ZNF764: variants seen among roughly 807,000 people sequenced by gnomAD.
ZNF764 encodes zinc finger protein 764.
In ZNF764, 10 loss-of-function variants were observed where a neutral mutation model predicts 13.9. The ratio of observed to expected loss-of-function variants is 0.72; its 90% CI spans 0.44 to 1.22. ZNF764 has a LOEUF of 1.22. Among genes scored for constraint, ZNF764 ranks in the 50% most tolerant of loss-of-function variants. The pLI is 0.00. For missense variants in ZNF764, 647 were observed against 589.7 expected (o/e 1.10, Z -1.01); for synonymous variants, 313 against 255.1 (o/e 1.23, Z -2.16).
At position 30,556,265 on chromosome 16, in the gene ZNF764, G is replaced by T. The variant is rs575647006; in HGVS notation, c.311-158C>A. The stretch of plus-strand genomic sequence containing the variant: ...CTCGGCTGCAGAGCCAGACAGAGCC[G>T]GGAGGGAGAGAACAGCCCATTCCGC... On this transcript the variant is annotated intron_variant, in intron 2 of 2. Coordinates refer to ENST00000395091, the MANE Select transcript of ZNF764 (RefSeq NM_001172679.2). 5.9e-5 allele frequency among the ~76,000 whole-genome samples: 9 copies of T among 152,184 alleles called. 1 individual carries two copies. Among genetic ancestry groups the T allele is most frequent in the Admixed American group, 5.2e-4 (8 of 15,276 alleles).
chr16:30,555,411 TG>T lies in ZNF764; in HGVS notation c.1006del (p.His336ThrfsTer46), dbSNP rs1250873823. On this transcript the variant is annotated frameshift_variant, in exon 3 of 3. Transcript: ENST00000395091. LOFTEE classifies it low-confidence loss of function (END_TRUNC). Reference sequence around the variant, plus strand: ...GCAGGGGTAGGGCTTCTCGCCGCTGTGGGTGCGCCTGTGGGCTGCCATCTCC... The same window carrying T: ...GCAGGGGTAGGGCTTCTCGCCGCTGTGGTGCGCCTGTGGGCTGCCATCTCC... The part of the protein sequence containing the change: ...SSEMAAHRRT[H>X]SGEKPYPCPQ... The T allele has an allele frequency of 6.4e-7, 1 of 1,564,310 alleles. No individual in the cohort carries two copies. Among genetic ancestry groups the T allele is most frequent in the Admixed American group, 1.8e-5 (1 of 54,750 alleles).
Position 30,555,135 on chromosome 16 carries a change from C to CG in ZNF764, c.*58dup. 1.3e-6 allele frequency: 2 copies of CG among 1,529,412 alleles called. No homozygotes were observed. The highest frequency in any genetic ancestry group is 1.8e-6 in the Non-Finnish European group (2 of 1,138,686). The allele number at this position is 1,529,412 out of a possible 1,614,324, so 94.7% of individuals were successfully genotyped here. A position where few individuals can be genotyped will look rare whatever the true frequency, so the allele number is the denominator to read the frequency against. On this transcript the variant is annotated 3_prime_UTR_variant, in exon 3 of 3. Coordinates refer to ENST00000395091, the MANE Select transcript of ZNF764 (RefSeq NM_001172679.2). ...CTCCCTGCAGGCCGCCGCAGAGGTT[C>CG]GGGCCCCTGAGCCCATCTCGGGCCT... is the stretch of plus-strand genomic sequence containing the variant.
rs2051536255 is a variant in ZNF764 at position 30,555,088 on chromosome 16, C to T, written c.*106G>A. 2.9e-6 allele frequency: 4 copies of T among 1,360,046 alleles called. No homozygotes were observed. The highest frequency in any genetic ancestry group is 3.0e-6 in the Non-Finnish European group (3 of 1,002,506). The allele number at this position is 1,360,046 out of a possible 1,614,324, so 84.2% of individuals were successfully genotyped here. A position where few individuals can be genotyped will look rare whatever the true frequency, so the allele number is the denominator to read the frequency against. ...CAGACTGTCCGCACCCCAGGGCCAG[C>T]TCTTGCCCTAGATTCTGGGACCTCC... On this transcript the variant is annotated 3_prime_UTR_variant, in exon 3 of 3. Transcript: ENST00000395091.
At position 30,555,436 on chromosome 16, in the gene ZNF764, C is replaced by T; in HGVS notation, c.982G>A (p.Glu328Lys). The change falls in exon 3 of 3, where the codon GAG (glutamate) becomes AAG (lysine). Residue 328 changes from glutamate to lysine, a missense_variant. Coordinates refer to ENST00000395091, the MANE Select transcript of ZNF764 (RefSeq NM_001172679.2). The stretch of plus-strand genomic sequence containing the variant: ...TGGGTGCGCCTGTGGGCTGCCATCT[C>T]CGAGCTCTGGCGGAAGCAGCGCCCG... ...DCGRCFRQSS[E>K]MAAHRRTHSG... The T allele has an allele frequency of 3.8e-6, 6 of 1,558,474 alleles. No homozygotes were observed. Among genetic ancestry groups the T allele is most frequent in the Non-Finnish European group, 5.2e-6 (6 of 1,147,816 alleles).
chr16:30,556,188 G>T, intron 2 of ZNF764, 81 bp from the exon 3 acceptor site: 1 of 1,533,222 alleles, frequency 6.5e-7, no homozygotes, highest in Non-Finnish European at 8.9e-7. Flanking sequence ...GACAGGGACA[G>T]GCCTGCTGGA....
chr16:30,555,412 G>T lies in ZNF764; in HGVS notation c.1006C>A (p.His336Asn). Residue 336 changes from histidine (H) to asparagine (N), a missense_variant, in exon 3 of 3, where the codon CAC becomes AAC. By Grantham distance (68) the His-to-Asn change is moderately conservative (BLOSUM62 1). Transcript: ENST00000395091. ...SSEMAAHRRT[H>N]SGEKPYPCPQ... Reference sequence around the variant, plus strand: ...CAGGGGTAGGGCTTCTCGCCGCTGTGGGTGCGCCTGTGGGCTGCCATCTCC... The same window carrying T: ...CAGGGGTAGGGCTTCTCGCCGCTGTTGGTGCGCCTGTGGGCTGCCATCTCC... The T allele has an allele frequency of 6.4e-7, 1 of 1,565,132 alleles. No homozygotes were observed.
At chr16:30,557,930 GAGGCGCGGC>G (rs1567510323) in intron 1 of ZNF764, 48 bp downstream of exon 1, 1 of 1,573,100 alleles carries the variant, frequency 6.4e-7, no homozygotes. Context: ...GCAGCTCCCA[GAGGCGCGGC>G]AGGGCCTGTG....
Position 30,557,970 on chromosome 16 carries a change from G to A in ZNF764, c.196+17C>T, listed in dbSNP as rs1477947191. On this transcript the variant is annotated intron_variant, in intron 1 of 2. Coordinates refer to ENST00000395091, the MANE Select transcript of ZNF764 (RefSeq NM_001172679.2). ...CTGTGGGGGCGCAGGGCTCAGGCGAGCAGGTGGGGCTCTCACCGAGAGCGC... is the reference window on the plus strand; with the variant it reads ...CTGTGGGGGCGCAGGGCTCAGGCGAACAGGTGGGGCTCTCACCGAGAGCGC... 6.3e-7 allele frequency: 1 copy of A among 1,589,458 alleles called. No homozygotes were observed. The highest frequency in any genetic ancestry group is 1.1e-5 in the South Asian group (1 of 88,346).
Position 30,555,407 on chromosome 16 carries a change from G to T in ZNF764, c.1011C>A (p.Ser337Arg). Residue 337 changes from serine to arginine, a missense_variant, in exon 3 of 3, where the codon AGC (serine) becomes AGA (arginine). Transcript: ENST00000395091. Reference sequence around the variant, plus strand: ...GCGGGCAGGGGTAGGGCTTCTCGCCGCTGTGGGTGCGCCTGTGGGCTGCCA... The same window carrying T: ...GCGGGCAGGGGTAGGGCTTCTCGCCTCTGTGGGTGCGCCTGTGGGCTGCCA... ...SEMAAHRRTHSGEKPYPCPQC... is the reference protein window; with the variant it reads ...SEMAAHRRTHRGEKPYPCPQC... 6.4e-7 allele frequency: 1 copy of T among 1,564,802 alleles called. No homozygotes were observed. Among genetic ancestry groups the T allele is most frequent in the Non-Finnish European group, 8.7e-7 (1 of 1,151,450 alleles).
Position 30,558,122 on chromosome 16 carries a change from T to G in ZNF764, c.61A>C (p.Arg21=). The change falls in exon 1 of 3, where the codon AGG becomes CGG. Residue 21 remains arginine, a synonymous_variant. Transcript: ENST00000395091. ...GCGAAGCTCACAGCCCCCGGCTCCC[T>G]CCACTCGGGTCCGGCCCCGTTTGGG... ...RDPNGAGPEW[R]EPGAVSFADV... is the part of the protein sequence containing the mutation. 6.2e-7 allele frequency: 1 copy of G among 1,607,018 alleles called. No individual in the cohort carries two copies. Among genetic ancestry groups the G allele is most frequent in the African/African-American group, 1.3e-5 (1 of 74,968 alleles).
Position 30,555,281 on chromosome 16 carries a change from C to G in ZNF764, c.1137G>C (p.Leu379=). The G allele has an allele frequency of 5.0e-6, 8 of 1,612,610 alleles. No individual in the cohort carries two copies. The highest frequency in any genetic ancestry group is 6.8e-6 in the Non-Finnish European group (8 of 1,179,536). ...CGTGGCCAGGGGTCAGGGTCACAGA[C>G]AGACGCCCGGCGACCCGGCCCCTGT... The part of the protein sequence containing the change: ...GGHRGRVAGR[L]SVTLTPGHGD... The change falls in exon 3 of 3, where the codon CTG becomes CTC. Residue 379 remains leucine (L), a synonymous_variant. Coordinates refer to ENST00000395091, the MANE Select transcript of ZNF764 (RefSeq NM_001172679.2).
In ZNF764 at chr16:30,558,003, G is replaced by A. The variant is rs1468091089; in HGVS notation, c.180C>T (p.Gly60=). ...LYRDVMRETY[G]HLSALGIGGN... ...GGCTCTCACCGAGAGCGCTCAGGTG[G>A]CCGTAGGTCTCCCGCATCACGTCCC... Residue 60 remains glycine, a synonymous_variant, in exon 1 of 3, where the codon GGC becomes GGT. Transcript: ENST00000395091. The A allele has an allele frequency of 6.2e-7, 1 of 1,606,206 alleles. No homozygotes were observed. The highest frequency in any genetic ancestry group is 8.5e-7 in the Non-Finnish European group (1 of 1,176,816).
In ZNF764 at chr16:30,555,676, G is replaced by A. The variant is rs1242858339; in HGVS notation, c.742C>T (p.His248Tyr). 2.6e-6 allele frequency: 4 copies of A among 1,556,900 alleles called. No individual in the cohort carries two copies. Among genetic ancestry groups the A allele is most frequent in the Admixed American group, 1.9e-5 (1 of 52,046 alleles). ...AFTQRSALTS[H>Y]LRVHTGEKPY... ...TTCTCGCCGGTGTGGACGCGCAGGT[G>A]CGAAGTCAGCGCCGAGCGCTGCGTG... Residue 248 changes from histidine to tyrosine, a missense_variant, in exon 3 of 3, where the codon CAC (histidine) becomes TAC (tyrosine). Physicochemically the swap from His to Tyr is moderately conservative, Grantham distance 83 (BLOSUM62 2). Transcript: ENST00000395091.
intron 2 of ZNF764, among the ~76,000 whole-genome samples, chr16:30,556,529 G>C (rs565075589): frequency 6.6e-6 from 1 of 152,190 alleles, no homozygotes; most frequent in Non-Finnish European, 1.5e-5. Flanking sequence ...CAGCCTGCAG[G>C]TGAACGGCAG....
rs769065866 is a variant in ZNF764, at chr16:30,555,384, G to A, written c.1034C>T (p.Pro345Leu). The A allele has an allele frequency of 5.7e-6, 9 of 1,583,772 alleles. No individual in the cohort carries two copies. The highest frequency in any genetic ancestry group is 1.3e-5 in the African/African-American group (1 of 74,080). ...CTGGCCAAAGCGGCGGCCGCACTGC[G>A]GGCAGGGGTAGGGCTTCTCGCCGCT... ...THSGEKPYPC[P>L]QCGRRFGQKS... is the part of the protein sequence containing the mutation. Residue 345 changes from proline (P) to leucine (L), a missense_variant, in exon 3 of 3, where the codon CCG (proline) becomes CTG (leucine). Physicochemically the swap from Pro to Leu is moderately conservative, Grantham distance 98. Transcript: ENST00000395091.
chr16:30,554,991 G>C lies in ZNF764; in HGVS notation c.*203C>G. The C allele has an allele frequency of 1.7e-6, 1 of 598,378 alleles. No homozygotes were observed. Among genetic ancestry groups the C allele is most frequent in the Admixed American group, 3.5e-5 (1 of 28,306 alleles). The allele number at this position is 598,378 out of a possible 1,614,324, so 37.1% of individuals were successfully genotyped here. The stretch of plus-strand genomic sequence containing the variant: ...TTCTCAACTCAGCCCTGCCTCAGTA[G>C]AGGGGGCCTTGGAGAGCCCTGGGCA... On this transcript the variant is annotated 3_prime_UTR_variant, in exon 3 of 3. Transcript: ENST00000395091.
At position 30,555,771 on chromosome 16, in the gene ZNF764, G is replaced by C; in HGVS notation, c.647C>G (p.Ser216Cys). The C allele has an allele frequency of 6.2e-7, 1 of 1,609,462 alleles. No homozygotes were observed. The highest frequency in any genetic ancestry group is 8.5e-7 in the Non-Finnish European group (1 of 1,179,482). Residue 216 changes from serine (S) to cysteine (C), a missense_variant, in exon 3 of 3, where the codon TCC becomes TGC. Physicochemically the swap from Ser to Cys is moderately radical, Grantham distance 112 (BLOSUM62 -1). Transcript: ENST00000395091. ...DCGKGFGHAS[S>C]LSKHRAIHRG... Reference sequence around the variant, plus strand: ...ATGGATGGCCCGGTGTTTGCTCAGGGAGGAAGCGTGGCCGAAGCCCTTGCC... The same window carrying C: ...ATGGATGGCCCGGTGTTTGCTCAGGCAGGAAGCGTGGCCGAAGCCCTTGCC...
intron 2 of ZNF764, 129 bp downstream of exon 2, chr16:30,557,603 GC>G: frequency 7.4e-7 from 1 of 1,353,624 alleles, no homozygotes; most frequent in Non-Finnish European, 1.0e-6. Flanking sequence ...CAGGGGCTCA[GC>G]CTCGTCGTCG....
In ZNF764 at chr16:30,553,968, C is replaced by CT. The variant is rs1451742856; in HGVS notation, c.*1225dup. On this transcript the variant is annotated 3_prime_UTR_variant, in exon 3 of 3. Transcript: ENST00000395091. ...ATACTTCCCTTTCTTCTTCGCTGTACTTTAAGATAAACACCAAAAACACTA... is the reference window on the plus strand; with the variant it reads ...ATACTTCCCTTTCTTCTTCGCTGTACTTTTAAGATAAACACCAAAAACACTA... The CT allele has an allele frequency of 4.6e-5, 7 of 152,280 alleles. No individual in the cohort carries two copies. In the East Asian group the frequency reaches 1.4e-3, roughly 29 times the overall value. The allele number at this position is 152,280 out of a possible 1,614,324, so 9.4% of individuals were successfully genotyped here.
Sources: gnomAD v4.1 joint callset for allele counts (sites outside exome capture counted in the v4.1 genomes callset) on GRCh38, gnomAD v4.1.1 for gene constraint, MANE v1.5 for transcripts, NCBI Gene and HGNC (gene_info 2026-07-23, HGNC 2026-07-21) for gene names.